The following PDS5B variants were observed in gnomAD, a reference collection of about 807,000 sequenced individuals.
The protein encoded by PDS5B is PDS5 cohesin associated factor B.
PDS5B carries 51 observed loss-of-function variants against 184.1 expected under a neutral mutation model. The observed-to-expected ratio is 0.28, with a 90% CI of 0.22 to 0.35. The LOEUF (loss-of-function observed/expected upper bound fraction) is 0.35, where lower values mean the gene tolerates loss of function less well. PDS5B is among the 10% of genes least tolerant of loss of function. The pLI is 1.00. For synonymous variants in PDS5B, 566 were observed against 569.2 expected (o/e 0.99, Z 0.08); for missense variants, 1,180 against 1,723.3 (o/e 0.68, Z 5.58).
At chr13:32,774,061 C>G (rs967064743) in intron 34 of PDS5B, among the ~76,000 whole-genome samples, 2 of 152,168 alleles carry the variant, frequency 1.3e-5, no homozygotes, top group African/African-American at 4.8e-5. Context: ...GCTTTGGCCT[C>G]CAAAGTGGTG....
chr13:32,770,475 G>A lies in PDS5B; in HGVS notation c.3979G>A (p.Glu1327Lys). The A allele has an allele frequency of 6.2e-7, 1 of 1,612,436 alleles. No homozygotes were observed. Among genetic ancestry groups the A allele is most frequent in the South Asian group, 1.1e-5 (1 of 90,820 alleles). Reference sequence around the variant, plus strand: ...ATCTGGACCTCCAGCACCAGAGGAGGAGGAAGAAGAAGAAAGACAAAGTGG... The same window carrying A: ...ATCTGGACCTCCAGCACCAGAGGAGAAGGAAGAAGAAGAAAGACAAAGTGG... ...KKSGPPAPEE[E>K]EEEERQSGNT... is the part of the protein sequence containing the mutation. The change falls in exon 32 of 35, where the codon GAG becomes AAG. Residue 1327 changes from glutamate (E) to lysine (K), a missense_variant. Physicochemically the swap from Glu to Lys is moderately conservative, Grantham distance 56 (BLOSUM62 1). Transcript: ENST00000315596.
chr13:32,616,625 G>A (rs1446470937), intron 1 of PDS5B, among the ~76,000 whole-genome samples: 1 of 152,048 alleles, frequency 6.6e-6, no homozygotes, highest in Non-Finnish European at 1.5e-5. Context: ...CTAATCCAAG[G>A]GAATTGGACA....
Position 32,758,567 on chromosome 13 carries a change from A to G in PDS5B, c.3223A>G (p.Ile1075Val). 1 of 1,612,522 alleles carries G rather than the reference A, an allele frequency of 6.2e-7. No individual in the cohort carries two copies. The highest frequency in any genetic ancestry group is 8.5e-7 in the Non-Finnish European group (1 of 1,178,652). The stretch of plus-strand genomic sequence containing the variant: ...CACTGTGTGTGATGTTGCCATGAAT[A>G]TCATCATGTCAAAGAGTACTACATA... Reference protein sequence around the residue: ...LYTVCDVAMNIIMSKSTTYSL... With the variant: ...LYTVCDVAMNVIMSKSTTYSL... The change falls in exon 28 of 35, where the codon ATC (isoleucine) becomes GTC (valine). Residue 1075 changes from isoleucine (I) to valine (V), a missense_variant. Ile to Val is a conservative substitution (Grantham distance 29). Transcript: ENST00000315596.
At chr13:32,624,686 T>C (rs1402902126) in intron 1 of PDS5B, among the ~76,000 whole-genome samples, 3 of 152,290 alleles carry the variant, frequency 2.0e-5, no homozygotes, top group Non-Finnish European at 4.4e-5. Flanking sequence ...TGTGGAAAAT[T>C]TGGGTGCCTA....
chr13:32,773,776 T>G (rs1241032878), intron 34 of PDS5B, among the ~76,000 whole-genome samples: 1 of 152,152 alleles, frequency 6.6e-6, no homozygotes, highest in Non-Finnish European at 1.5e-5. Context: ...ACATACTTAT[T>G]TTGCAAAAGT....
chr13:32,688,877 TA>T (rs886964916), intron 13 of PDS5B: 27 of 317,616 alleles, frequency 8.5e-5, no homozygotes, highest in African/African-American at 5.6e-4. Flanking sequence ...TTGTTTTCCT[TA>T]AGGCATTAGA....
chr13:32,708,212 G>A (rs1566354624), intron 18 of PDS5B, among the ~76,000 whole-genome samples: 1 of 152,204 alleles, frequency 6.6e-6, no homozygotes, highest in Admixed American at 6.5e-5. Flanking sequence ...AGAGGTGTAT[G>A]TAACACCTCC....
At chr13:32,684,648 A>G (rs1018829429) in intron 11 of PDS5B, among the ~76,000 whole-genome samples, 2 of 152,232 alleles carry the variant, frequency 1.3e-5, no homozygotes, top group Admixed American at 6.5e-5. Context: ...ACTTTAATGA[A>G]TGTTCATTCT....
intron 1 of PDS5B, among the ~76,000 whole-genome samples, chr13:32,587,372 T>C (rs186868626): frequency 1.7e-3 from 264 of 152,302 alleles, no homozygotes; most frequent in African/African-American, 6.0e-3. Context: ...ACAACTGGGT[T>C]CTAGCTTTCC....
chr13:32,694,343 C>A lies in PDS5B; in HGVS notation c.1551+39C>A, dbSNP rs779593588. The A allele has an allele frequency of 3.2e-6, 4 of 1,232,772 alleles. No individual in the cohort carries two copies. In the Admixed American group the frequency reaches 5.6e-5, roughly 17 times the overall value. 76.4% of individuals were successfully genotyped at this position (1,232,772 alleles called of 1,614,324 possible). On this transcript the variant is annotated intron_variant, in intron 14 of 34. Coordinates refer to ENST00000315596, the MANE Select transcript of PDS5B (RefSeq NM_015032.4). Reference sequence around the variant, plus strand: ...TTTTCCTTCAATGTTTTTTAAAACACATGTATTTTAATTACTATTTACCAT... The same window carrying A: ...TTTTCCTTCAATGTTTTTTAAAACAAATGTATTTTAATTACTATTTACCAT...
At chr13:32,729,518 C>T (rs556531310) in intron 19 of PDS5B, among the ~76,000 whole-genome samples, 3 of 152,244 alleles carry the variant, frequency 2.0e-5, no homozygotes, top group South Asian at 2.1e-4. Context: ...TGAGGAATCG[C>T]GACACTGTCT....
intron 1 of PDS5B, among the ~76,000 whole-genome samples, chr13:32,608,137 G>T (rs1032477661): frequency 6.6e-6 from 1 of 152,180 alleles, no homozygotes; most frequent in African/African-American, 2.4e-5. Context: ...CATGCTGGGA[G>T]CTCTAGACTG....
intron 15 of PDS5B, among the ~76,000 whole-genome samples, chr13:32,697,616 A>G (rs1951742635): frequency 6.6e-6 from 1 of 152,242 alleles, no homozygotes; most frequent in South Asian, 2.1e-4. Flanking sequence ...TAGAACTTTA[A>G]GACCAAAATG....
intron 1 of PDS5B, 103 bp from the exon 2 acceptor site, chr13:32,648,651 A>G (rs1950286178): frequency 6.7e-6 from 4 of 595,374 alleles, no homozygotes; most frequent in Non-Finnish European, 1.2e-5. Context: ...ATAAATTAGG[A>G]GGTAGTTACA....
intron 24 of PDS5B, 35 bp downstream of exon 24, chr13:32,746,135 G>A (rs753508569): frequency 1.9e-6 from 3 of 1,574,544 alleles, no homozygotes; most frequent in Non-Finnish European, 2.6e-6. Context: ...ACTTTTTGAA[G>A]GTCTTTGACT....
At chr13:32,759,564 T>G in intron 28 of PDS5B, 64 bp from the exon 29 acceptor site, 1 of 731,974 alleles carries the variant, frequency 1.4e-6, no homozygotes, top group Non-Finnish European at 2.2e-6. Flanking sequence ...CTTTGTTGGC[T>G]TTTGAACCAC....
In PDS5B at chr13:32,734,329, C is replaced by T. The variant is rs1205525339; in HGVS notation, c.2248-843C>T. 3.9e-5 allele frequency among the ~76,000 whole-genome samples: 6 copies of T among 151,936 alleles called. No individual in the cohort carries two copies. The South Asian group carries it at 6.2e-4, about 16-fold the overall frequency. ...GATGTAATCTGTAATTGTTAATGCC[C>T]GGCCTTAACAATATATTTCTGATAT... is the stretch of plus-strand genomic sequence containing the variant. On this transcript the variant is annotated intron_variant, in intron 20 of 34. Transcript: ENST00000315596.
intron 1 of PDS5B, among the ~76,000 whole-genome samples, chr13:32,602,937 G>A (rs988293029): frequency 3.3e-5 from 5 of 152,110 alleles, no homozygotes; most frequent in African/African-American, 9.7e-5. Context: ...TTTTTGATGG[G>A]GTTGTTTGAT....
chr13:32,638,881 AAT>A (rs1402555825), intron 1 of PDS5B, among the ~76,000 whole-genome samples: 1 of 151,938 alleles, frequency 6.6e-6, no homozygotes, highest in Non-Finnish European at 1.5e-5. Context: ...TAGGCATGTA[AAT>A]TGGGTAATAA....
Sources: allele counts gnomAD v4.1 joint callset (sites outside exome capture counted in the v4.1 genomes callset), GRCh38; gene constraint gnomAD v4.1.1; transcripts MANE v1.5; gene names NCBI Gene and HGNC (gene_info 2026-07-23, HGNC 2026-07-21).